Variants in SHISA6 observed in about 807,000 individuals in gnomAD.
The protein encoded by SHISA6 is protein shisa-6.
In SHISA6, 22 loss-of-function variants were observed where a neutral mutation model predicts 47.9. The observed-to-expected ratio is 0.46, with a 90% CI of 0.33 to 0.66. SHISA6 has a LOEUF of 0.66. SHISA6 is among the 30% of genes least tolerant of loss of function. The pLI is 0.02. For synonymous variants in SHISA6, 388 were observed against 337.8 expected, an observed-to-expected ratio of 1.15 and a Z score of -1.63; for missense variants, 680 against 764.6, an observed-to-expected ratio of 0.89 and a Z score of 1.30.
At chr17:11,443,904 T>C (rs1454898303) in intron 3 of SHISA6, among the ~76,000 whole-genome samples, 4 of 152,218 alleles carry the variant, frequency 2.6e-5, no homozygotes, top group Non-Finnish European at 5.9e-5. Context: ...ATGTCTCTGG[T>C]CAGAGCTGGA....
chr17:11,466,257 G>A (rs1289644759), intron 3 of SHISA6, among the ~76,000 whole-genome samples: 1 of 152,122 alleles, frequency 6.6e-6, no homozygotes, highest in East Asian at 1.9e-4. Context: ...AAGAATGTTG[G>A]GTTGAACTTG....
At chr17:11,247,568 T>C in intron 1 of SHISA6, among the ~76,000 whole-genome samples, 1 of 152,270 alleles carries the variant, frequency 6.6e-6, no homozygotes, top group South Asian at 2.1e-4. Context: ...CACAAAATGA[T>C]GGTTTCAATT....
chr17:11,484,199 A>G (rs1340008616), intron 3 of SHISA6, among the ~76,000 whole-genome samples: 1 of 152,256 alleles, frequency 6.6e-6, no homozygotes, highest in Non-Finnish European at 1.5e-5. Context: ...GTAGGAGAGC[A>G]TAATTGATCA....
At chr17:11,331,783 C>T (rs1299040596) in intron 2 of SHISA6, among the ~76,000 whole-genome samples, 1 of 151,928 alleles carries the variant, frequency 6.6e-6, no homozygotes, top group African/African-American at 2.4e-5. Context: ...TCACTTCCTC[C>T]TTTGCATCTC....
intron 1 of SHISA6, among the ~76,000 whole-genome samples, chr17:11,261,106 G>C (rs1013869491): frequency 1.3e-5 from 2 of 151,720 alleles, no homozygotes; most frequent in African/African-American, 2.4e-5. Context: ...AGAGGAACCA[G>C]AGCAAGGAGG....
chr17:11,367,372 C>T (rs73975342), intron 2 of SHISA6, among the ~76,000 whole-genome samples: 3,072 of 152,242 alleles, frequency 0.02, 86 homozygotes, highest in African/African-American at 0.061. Context: ...AAGGGGATGG[C>T]TGTAAATTCC....
At chr17:11,292,208 C>G (rs1480962835) in intron 2 of SHISA6, among the ~76,000 whole-genome samples, 1 of 152,122 alleles carries the variant, frequency 6.6e-6, no homozygotes, top group Admixed American at 6.6e-5. Context: ...AACCCTTTCT[C>G]CAAATATAGT....
intron 1 of SHISA6, among the ~76,000 whole-genome samples, chr17:11,262,586 C>T (rs1042540146): frequency 1.3e-4 from 20 of 152,228 alleles, no homozygotes; most frequent in African/African-American, 4.8e-4. Flanking sequence ...TCTTCAATGA[C>T]TGATGCATGC....
chr17:11,241,461 G>C lies in SHISA6; in HGVS notation c.39G>C (p.Ser13=). The C allele has an allele frequency of 8.3e-7, 1 of 1,211,430 alleles. No homozygotes were observed. Among genetic ancestry groups the C allele is most frequent in the Non-Finnish European group, 1.0e-6 (1 of 957,060 alleles). The allele number at this position is 1,211,430 out of a possible 1,614,324, so 75.0% of individuals were successfully genotyped here. ...GCCTCCTGCTGCTGCTGCTGCTCTC[G>C]CTGGAGTCCCTGGACCTGCTGCCCA... ...LRRLLLLLLL[S]LESLDLLPSV... is the part of the protein sequence containing the mutation. Residue 13 remains serine, a synonymous_variant, in exon 1 of 6, where the codon TCG becomes TCC. Coordinates refer to ENST00000441885, the MANE Select transcript of SHISA6 (RefSeq NM_207386.4). The surrounding 1 kb of genome is among the most constrained non-coding windows in gnomAD (Gnocchi z 5.5).
At chr17:11,394,998 CTTTTTTTTT>C (rs772109588) in intron 3 of SHISA6, among the ~76,000 whole-genome samples, 1 of 95,072 alleles carries the variant, frequency 1.1e-5, no homozygotes, top group East Asian at 3.1e-4. Flanking sequence ...TTTTTCTTTT[CTTTTTTTTT>C]TTTTTTTTTT....
chr17:11,338,095 AG>A (rs1314354745), intron 2 of SHISA6, among the ~76,000 whole-genome samples: 1 of 151,630 alleles, frequency 6.6e-6, no homozygotes, highest in Non-Finnish European at 1.5e-5. Context: ...ACACATTGTC[AG>A]GGGAGAATCA....
intron 3 of SHISA6, among the ~76,000 whole-genome samples, chr17:11,546,984 A>T (rs547941804): frequency 6.6e-6 from 1 of 152,348 alleles, no homozygotes; most frequent in South Asian, 2.1e-4. Context: ...GATAAATGGT[A>T]CATGCGATAA....
intron 3 of SHISA6, among the ~76,000 whole-genome samples, chr17:11,511,586 T>C (rs2071542180): frequency 1.4e-5 from 2 of 147,790 alleles, no homozygotes; most frequent in African/African-American, 5.0e-5. Flanking sequence ...CCCAAAAAAA[T>C]GCCTGGTTCA....
chr17:11,552,472 T>C (rs1283832978), intron 4 of SHISA6, among the ~76,000 whole-genome samples: 2 of 152,318 alleles, frequency 1.3e-5, no homozygotes, highest in East Asian at 3.9e-4. Context: ...TATAAAACTA[T>C]GTTTCCCTCT....
chr17:11,406,934 T>G (rs1032891003), intron 3 of SHISA6, among the ~76,000 whole-genome samples: 2 of 152,122 alleles, frequency 1.3e-5, no homozygotes, highest in Admixed American at 6.6e-5. Context: ...CTAATCAAAG[T>G]CATTAGGGTG....
intron 3 of SHISA6, among the ~76,000 whole-genome samples, chr17:11,385,005 A>C (rs1189347416): frequency 1.3e-5 from 2 of 152,214 alleles, no homozygotes; most frequent in East Asian, 3.9e-4. Flanking sequence ...TGTTCTGGGC[A>C]CTGAGGATAC....
At chr17:11,547,937 G>A (rs1395656197) in intron 3 of SHISA6, among the ~76,000 whole-genome samples, 1 of 152,174 alleles carries the variant, frequency 6.6e-6, no homozygotes, top group Non-Finnish European at 1.5e-5. Flanking sequence ...AATTGAAATT[G>A]CAAATTGAAT....
rs1477867284 is a variant in SHISA6, at chr17:11,560,670, T to C, written c.*2366T>C. 1 of 152,180 alleles carries C rather than the reference T, an allele frequency of 6.6e-6. No homozygotes were observed. Among genetic ancestry groups the C allele is most frequent in the Non-Finnish European group, 1.5e-5 (1 of 68,120 alleles). 9.4% of individuals were successfully genotyped at this position (152,180 alleles called of 1,614,324 possible). A position where few individuals can be genotyped will look rare whatever the true frequency, so the allele number is the denominator to read the frequency against. On this transcript the variant is annotated 3_prime_UTR_variant, in exon 6 of 6. Transcript: ENST00000441885. ...AGTGTCAAAGCTTCTCAGCACCAAG[T>C]TCTCCAGCCCCCAGGGTGACACTTT...
At chr17:11,306,968 G>C (rs559589019) in intron 2 of SHISA6, among the ~76,000 whole-genome samples, 1 of 152,230 alleles carries the variant, frequency 6.6e-6, no homozygotes, top group East Asian at 1.9e-4. Context: ...CTGAAAGAAG[G>C]CTTTGAAGAA....
Sources: allele counts gnomAD v4.1 joint callset (sites outside exome capture counted in the v4.1 genomes callset), GRCh38; gene constraint gnomAD v4.1.1; non-coding constraint Gnocchi (gnomAD v3.1); transcripts MANE v1.5; gene names NCBI Gene and HGNC (gene_info 2026-07-23, HGNC 2026-07-21).